The following RPS6KC1 variants were observed in gnomAD, a reference collection of about 807,000 sequenced individuals.
RPS6KC1 encodes the protein ribosomal protein S6 kinase C1.
In RPS6KC1, 54 loss-of-function variants were observed where a neutral mutation model predicts 103.8. That is an observed-to-expected ratio of 0.52 (90% CI 0.42 to 0.65). RPS6KC1 has a LOEUF of 0.65. RPS6KC1 is among the 30% of genes least tolerant of loss of function. RPS6KC1 has a pLI of 0.00. For missense variants in RPS6KC1, 1,151 were observed against 1,253.8 expected (o/e 0.92, Z 1.24); for synonymous variants, 439 against 438.7 (o/e 1.00, Z -0.01).
intron 6 of RPS6KC1, among the ~76,000 whole-genome samples, chr1:213,134,011 A>C (rs571854576): frequency 6.6e-6 from 1 of 151,954 alleles, no homozygotes; most frequent in African/African-American, 2.4e-5. Flanking sequence ...CCATCTATTC[A>C]TCTAGTTGAT....
At chr1:213,064,670 T>G (rs1558244926) in intron 1 of RPS6KC1, among the ~76,000 whole-genome samples, 1 of 138,650 alleles carries the variant, frequency 7.2e-6, no homozygotes, top group African/African-American at 2.8e-5. Context: ...GCCTGGCCTT[T>G]GTGAACTTTT....
the RPS6KC1 span, among the ~76,000 whole-genome samples, chr1:213,661,288 G>T: frequency 6.6e-6 from 1 of 152,216 alleles, no homozygotes; most frequent in Non-Finnish European, 1.5e-5. Context: ...GAAACCAGGG[G>T]CTGGTGTCAG....
chr1:213,561,246 T>A, the RPS6KC1 span, among the ~76,000 whole-genome samples: 4 of 152,348 alleles, frequency 2.6e-5, no homozygotes, highest in East Asian at 7.7e-4. Context: ...TGTGTCCCCT[T>A]CCCATGAAAT....
the RPS6KC1 span, among the ~76,000 whole-genome samples, chr1:213,314,803 C>T: frequency 1.3e-5 from 2 of 151,984 alleles, no homozygotes; most frequent in South Asian, 4.1e-4. Flanking sequence ...TTTTTTATAA[C>T]ATGAAATGTG....
At chr1:213,399,357 G>A in the RPS6KC1 span, among the ~76,000 whole-genome samples, 1 of 152,156 alleles carries the variant, frequency 6.6e-6, no homozygotes, top group Admixed American at 6.5e-5. Context: ...GAGATGACTT[G>A]TAAGACTGAG....
chr1:213,673,384 C>A, the RPS6KC1 span, among the ~76,000 whole-genome samples: 1 of 152,130 alleles, frequency 6.6e-6, no homozygotes. Context: ...CTAATCAGGG[C>A]TGAAGAGAAA....
At chr1:213,494,323 C>A in the RPS6KC1 span, among the ~76,000 whole-genome samples, 1 of 152,040 alleles carries the variant, frequency 6.6e-6, no homozygotes, top group Non-Finnish European at 1.5e-5. Flanking sequence ...TAAGAATTAT[C>A]AATGTCAGAT....
chr1:213,581,740 A>G, the RPS6KC1 span, among the ~76,000 whole-genome samples: 1 of 152,076 alleles, frequency 6.6e-6, no homozygotes, highest in African/African-American at 2.4e-5. Context: ...CCCTCATAAG[A>G]GGCCTTTCTT....
At chr1:213,693,494 T>G in the RPS6KC1 span, among the ~76,000 whole-genome samples, 2 of 152,184 alleles carry the variant, frequency 1.3e-5, no homozygotes, top group African/African-American at 4.8e-5. Context: ...CATTCAGTGA[T>G]TGACAAGGCA....
chr1:213,791,091 T>G, the RPS6KC1 span, among the ~76,000 whole-genome samples: 2 of 113,612 alleles, frequency 1.8e-5, no homozygotes, highest in Non-Finnish European at 3.3e-5. Context: ...TAGGACAATG[T>G]TACACCTATT....
At chr1:213,165,323 C>T (rs767184285) in intron 6 of RPS6KC1, among the ~76,000 whole-genome samples, 3 of 152,086 alleles carry the variant, frequency 2.0e-5, no homozygotes, top group Admixed American at 6.5e-5. Flanking sequence ...CTCTGCCTCC[C>T]GGGTTCAAAT....
At chr1:213,510,389 A>G in the RPS6KC1 span, among the ~76,000 whole-genome samples, 1 of 152,220 alleles carries the variant, frequency 6.6e-6, no homozygotes, top group African/African-American at 2.4e-5. Flanking sequence ...ATGGAGGTTA[A>G]GTACTGTGTA....
At chr1:213,266,773 G>A in intron 14 of RPS6KC1, among the ~76,000 whole-genome samples, 1 of 151,802 alleles carries the variant, frequency 6.6e-6, no homozygotes, top group East Asian at 1.9e-4. Context: ...CGTGGTGGTG[G>A]GTGCCTGTAG....
At chr1:213,701,960 G>A in the RPS6KC1 span, among the ~76,000 whole-genome samples, 71 of 151,610 alleles carry the variant, frequency 4.7e-4, 1 homozygote, top group Non-Finnish European at 8.9e-5. Context: ...TACTAATTTT[G>A]GATTTGGTTT....
chr1:213,629,956 C>T, the RPS6KC1 span, among the ~76,000 whole-genome samples: 37 of 152,148 alleles, frequency 2.4e-4, no homozygotes, highest in African/African-American at 8.9e-4. Context: ...GAGATCAGCG[C>T]TTAGTCTGAT....
At chr1:213,250,566 A>G (rs1327530700) in intron 12 of RPS6KC1, among the ~76,000 whole-genome samples, 1 of 152,200 alleles carries the variant, frequency 6.6e-6, no homozygotes, top group Non-Finnish European at 1.5e-5. Context: ...TCATGTAAGA[A>G]TGAAGATCTG....
the RPS6KC1 span, among the ~76,000 whole-genome samples, chr1:213,332,624 A>G: frequency 6.6e-6 from 1 of 152,064 alleles, no homozygotes; most frequent in African/African-American, 2.4e-5. Flanking sequence ...TTGCTTCAAC[A>G]CCATTTAGTC....
At chr1:213,331,621 G>A in the RPS6KC1 span, among the ~76,000 whole-genome samples, 11 of 152,208 alleles carry the variant, frequency 7.2e-5, no homozygotes, top group Admixed American at 1.3e-4. Context: ...GTCACTCCAC[G>A]TCTGCAGATG....
At chr1:213,524,368 C>T in the RPS6KC1 span, among the ~76,000 whole-genome samples, 1 of 151,852 alleles carries the variant, frequency 6.6e-6, no homozygotes, top group African/African-American at 2.4e-5. Flanking sequence ...TGGATCTCAT[C>T]AGCCAGGTCT....
Sources: allele counts gnomAD v4.1 joint callset (sites outside exome capture counted in the v4.1 genomes callset), GRCh38; gene constraint gnomAD v4.1.1; transcripts MANE v1.5; gene names NCBI Gene and HGNC (gene_info 2026-07-23, HGNC 2026-07-21).